Variants in SLC7A2 observed in about 807,000 individuals in gnomAD.
The protein encoded by SLC7A2 is cationic amino acid transporter 2.
A neutral mutation model predicts 58.9 loss-of-function variants in SLC7A2; 48 were observed. That is an observed-to-expected ratio of 0.82 (90% CI 0.65 to 1.04). The LOEUF (loss-of-function observed/expected upper bound fraction) is 1.04, where lower values mean the gene tolerates loss of function less well. Ranked by LOEUF, SLC7A2 falls within the 50% of genes least tolerant of loss-of-function variation. The pLI is 0.00. For synonymous variants in SLC7A2, 363 were observed against 314.5 expected, an observed-to-expected ratio of 1.15 and a Z score of -1.63; for missense variants, 1,029 against 818.8, an observed-to-expected ratio of 1.26 and a Z score of -3.13.
intron 2 of SLC7A2, among the ~76,000 whole-genome samples, chr8:17,537,117 C>T (rs1161962057): frequency 6.6e-6 from 1 of 152,206 alleles, no homozygotes; most frequent in African/African-American, 2.4e-5. Flanking sequence ...AGTGCAGTGG[C>T]ACGATCTTGG....
Position 17,561,998 on chromosome 8 carries a change from C to G in SLC7A2, c.1559C>G (p.Thr520Ser), listed in dbSNP as rs751515947. 3.1e-6 allele frequency: 5 copies of G among 1,614,112 alleles called. No individual in the cohort carries two copies. Among genetic ancestry groups the G allele is most frequent in the South Asian group, 1.1e-5 (1 of 91,080 alleles). Residue 520 changes from threonine to serine, a missense_variant, in exon 11 of 13, where the codon ACC becomes AGC. Thr to Ser is a moderately conservative substitution (Grantham distance 58). Coordinates refer to ENST00000494857, the MANE Select transcript of SLC7A2 (RefSeq NM_001370338.1). ...ACCACTTACGGAGTTCATGCCATCA[C>G]CAGGCTGGAGGCCTGGAGCCTCGCT... is the stretch of plus-strand genomic sequence containing the variant. ...VLTTYGVHAI[T>S]RLEAWSLALL...
Position 17,569,444 on chromosome 8 carries a change from A to G in SLC7A2, c.*4298A>G, listed in dbSNP as rs1026866885. On this transcript the variant is annotated 3_prime_UTR_variant, in exon 13 of 13. Transcript: ENST00000494857. Reference sequence around the variant, plus strand: ...TTAAATATCAAGGGGGAAAGTATGGATATTCGCGTAGCAATAATGCCAGCA... The same window carrying G: ...TTAAATATCAAGGGGGAAAGTATGGGTATTCGCGTAGCAATAATGCCAGCA... The G allele has an allele frequency of 6.6e-6, 1 of 152,180 alleles. No homozygotes were observed. Among genetic ancestry groups the G allele is most frequent in the Non-Finnish European group, 1.5e-5 (1 of 68,036 alleles). The allele number at this position is 152,180 out of a possible 1,614,324, so 9.4% of individuals were successfully genotyped here.
At chr8:17,510,050 T>C (rs1800538787) in intron 2 of SLC7A2, among the ~76,000 whole-genome samples, 1 of 152,000 alleles carries the variant, frequency 6.6e-6, no homozygotes, top group Non-Finnish European at 1.5e-5. Flanking sequence ...TGAAACCACG[T>C]CTCTACTAAA....
intron 9 of SLC7A2, among the ~76,000 whole-genome samples, chr8:17,558,866 G>A (rs753850819): frequency 2.6e-5 from 4 of 151,976 alleles, no homozygotes; most frequent in Non-Finnish European, 4.4e-5. Flanking sequence ...CAAATAAAAT[G>A]GTATTAATTT....
chr8:17,543,091 G>A (rs1466555408), intron 2 of SLC7A2, among the ~76,000 whole-genome samples: 3 of 152,098 alleles, frequency 2.0e-5, no homozygotes, highest in Non-Finnish European at 4.4e-5. Context: ...AAGGGGACGT[G>A]TATGCTACAG....
Position 17,568,350 on chromosome 8 carries a change from A to T in SLC7A2, c.*3204A>T, listed in dbSNP as rs1803362010. 2.6e-5 allele frequency: 4 copies of T among 152,278 alleles called. No homozygotes were observed. The South Asian group carries it at 6.2e-4, about 24-fold the overall frequency. 9.4% of individuals were successfully genotyped at this position (152,278 alleles called of 1,614,324 possible). ...GTTAAAAACTATGAGGAAAACTTAT[A>T]TTAGAACTTTTGATATATACTAAAA... is the stretch of plus-strand genomic sequence containing the variant. On this transcript the variant is annotated 3_prime_UTR_variant, in exon 13 of 13. Coordinates refer to ENST00000494857, the MANE Select transcript of SLC7A2 (RefSeq NM_001370338.1).
intron 1 of SLC7A2, among the ~76,000 whole-genome samples, chr8:17,501,625 A>C (rs1265612675): frequency 6.6e-6 from 1 of 152,168 alleles, no homozygotes; most frequent in Admixed American, 6.5e-5. Flanking sequence ...TTATACACCC[A>C]AGACTGAATC....
intron 2 of SLC7A2, among the ~76,000 whole-genome samples, chr8:17,536,627 G>A (rs1440248988): frequency 6.6e-6 from 1 of 152,056 alleles, no homozygotes; most frequent in East Asian, 1.9e-4. Flanking sequence ...TGGGTAAAGG[G>A]CAGAACTAAT....
chr8:17,536,080 G>A lies in SLC7A2; in HGVS notation c.-22-7238G>A, dbSNP rs551339802. Among the ~76,000 whole-genome samples, 53 of 148,910 alleles carry A rather than the reference G, an allele frequency of 3.6e-4. No homozygotes were observed. The South Asian group carries it at 0.01, about 29-fold the overall frequency. ...CCATTACATGAATTATCGCTCTGCC[G>A]CTAGCTTACTTCCATAATTCCTTGG... is the stretch of plus-strand genomic sequence containing the variant. On this transcript the variant is annotated intron_variant, in intron 2 of 12. Transcript: ENST00000494857.
intron 2 of SLC7A2, among the ~76,000 whole-genome samples, chr8:17,533,312 A>G (rs1274411891): frequency 2.0e-5 from 3 of 152,244 alleles, no homozygotes; most frequent in South Asian, 2.1e-4. Flanking sequence ...AATTCAAAAT[A>G]TAGTTTCAAA....
chr8:17,504,282 C>T (rs1042589514), intron 2 of SLC7A2, among the ~76,000 whole-genome samples: 2 of 152,208 alleles, frequency 1.3e-5, no homozygotes, highest in African/African-American at 4.8e-5. Flanking sequence ...AGATTGAGGC[C>T]GGTGGTAAAT....
chr8:17,520,727 A>C (rs1236172594), intron 2 of SLC7A2: 23 of 899,874 alleles, frequency 2.6e-5, no homozygotes, highest in Non-Finnish European at 3.0e-5. Context: ...CAAGGAGGAG[A>C]TGGGAGATGA....
upstream of SLC7A2, chr8:17,496,971 C>T (rs1425235389): frequency 6.6e-6 from 1 of 151,034 alleles, no homozygotes. Context: ...GGCCGGGGCC[C>T]GGCGGGAGGC....
rs1241590117 is a variant in SLC7A2, at chr8:17,566,230, A to T, written c.*1084A>T. On this transcript the variant is annotated 3_prime_UTR_variant, in exon 13 of 13. Transcript: ENST00000494857. ...CTTAACCTCGTCAGGCCCAGAGTTCACTTCTTTGTTTCTCTGTTTCTTTTG... is the reference window on the plus strand; with the variant it reads ...CTTAACCTCGTCAGGCCCAGAGTTCTCTTCTTTGTTTCTCTGTTTCTTTTG... 2 of 152,156 alleles carry T rather than the reference A, an allele frequency of 1.3e-5. No individual in the cohort carries two copies. The highest frequency in any genetic ancestry group is 4.8e-5 in the African/African-American group (2 of 41,446). The allele number at this position is 152,156 out of a possible 1,614,324, so 9.4% of individuals were successfully genotyped here. A position where few individuals can be genotyped will look rare whatever the true frequency, so the allele number is the denominator to read the frequency against.
intron 2 of SLC7A2, among the ~76,000 whole-genome samples, chr8:17,528,491 C>A (rs1801310504): frequency 6.6e-6 from 1 of 151,924 alleles, no homozygotes; most frequent in African/African-American, 2.4e-5. Context: ...CTCAAGGGAT[C>A]CTCCCACTTG....
chr8:17,559,012 A>C (rs1156399363), intron 9 of SLC7A2, among the ~76,000 whole-genome samples: 1 of 152,216 alleles, frequency 6.6e-6, no homozygotes, highest in African/African-American at 2.4e-5. Flanking sequence ...AATTGTACCA[A>C]AGTGCTAACA....
At chr8:17,539,800 T>C (rs1563460831) in intron 2 of SLC7A2, among the ~76,000 whole-genome samples, 1 of 152,176 alleles carries the variant, frequency 6.6e-6, no homozygotes, top group South Asian at 2.1e-4. Flanking sequence ...TCCAGATTAA[T>C]GGAATCACCT....
At chr8:17,558,569 A>G (rs1392453551) in intron 9 of SLC7A2, among the ~76,000 whole-genome samples, 172 bp downstream of exon 9, 3 of 152,232 alleles carry the variant, frequency 2.0e-5, no homozygotes, top group Non-Finnish European at 4.4e-5. Flanking sequence ...GTCTTTAGCA[A>G]AGAATCAAAT....
At chr8:17,529,947 C>T (rs1028426770) in intron 2 of SLC7A2, among the ~76,000 whole-genome samples, 1 of 152,166 alleles carries the variant, frequency 6.6e-6, no homozygotes, top group Non-Finnish European at 1.5e-5. Context: ...CCATTAAAAG[C>T]AGTAGCAAAA....
Sources: gnomAD v4.1 joint callset for allele counts (sites outside exome capture counted in the v4.1 genomes callset) on GRCh38, gnomAD v4.1.1 for gene constraint, MANE v1.5 for transcripts, NCBI Gene and HGNC (gene_info 2026-07-23, HGNC 2026-07-21) for gene names.